Variants in KIF9 observed in about 807,000 individuals in gnomAD.
KIF9 encodes the protein kinesin-like protein KIF9.
A neutral mutation model predicts 94.8 loss-of-function variants in KIF9; 68 were observed. The observed-to-expected ratio is 0.72, with a 90% CI of 0.59 to 0.88. KIF9 has a LOEUF of 0.88. Among genes scored for constraint, KIF9 ranks in the 40% least tolerant of loss-of-function variants. The pLI is 0.00. For synonymous variants in KIF9, 343 were observed against 362.1 expected (o/e 0.95, Z 0.60); for missense variants, 882 against 982.5 (o/e 0.90, Z 1.37).
At chr3:47,269,181 C>T (rs1701479213) in intron 5 of KIF9, among the ~76,000 whole-genome samples, 3 of 152,346 alleles carry the variant, frequency 2.0e-5, no homozygotes, top group Admixed American at 6.5e-5. Context: ...ATAGCCATTG[C>T]ACATGTGCCC....
chr3:47,266,117 T>C (rs1701275975), intron 7 of KIF9: 3 of 440,096 alleles, frequency 6.8e-6, no homozygotes, highest in Non-Finnish European at 1.2e-5. Context: ...CGAATGTGAA[T>C]GCTTACATGA....
Position 47,265,731 on chromosome 3 carries a change from T to C in KIF9, c.915A>G (p.Leu305=). 1 of 1,614,022 alleles carries C rather than the reference T, an allele frequency of 6.2e-7. No individual in the cohort carries two copies. The highest frequency in any genetic ancestry group is 8.5e-7 in the Non-Finnish European group (1 of 1,179,916). Residue 305 remains leucine, a splice_region_variant and synonymous_variant, in exon 8 of 21, where the codon TTA becomes TTG. Transcript: ENST00000684063. ...TGGGCAGCAACTGTACCCCCTCACC[T>C]AACGAGTCCTTCAGAGCGTGGGTGA... ...CKLTHALKDS[L]GGNCNMVLVT...
At chr3:47,274,031 C>T (rs1701810665) in intron 3 of KIF9, among the ~76,000 whole-genome samples, 1 of 152,202 alleles carries the variant, frequency 6.6e-6, no homozygotes, top group Non-Finnish European at 1.5e-5. Context: ...TTCTCTAGCA[C>T]AGCTATGAAC....
At position 47,264,328 on chromosome 3, in the gene KIF9, G is replaced by A. The variant is rs765483235; in HGVS notation, c.939C>T (p.Leu313=). 20 of 1,613,610 alleles carry A rather than the reference G, an allele frequency of 1.2e-5. No individual in the cohort carries two copies. The highest frequency in any genetic ancestry group is 6.7e-5 in the East Asian group (3 of 44,896). ...CAGCTTCTCCATAGATGTTTGTCAC[G>A]AGGACCATATTGCAGTTTCCCCCTG... The part of the protein sequence containing the change: ...DSLGGNCNMV[L]VTNIYGEAAQ... Residue 313 remains leucine, a synonymous_variant, in exon 9 of 21, where the codon CTC becomes CTT. Coordinates refer to ENST00000684063, the MANE Select transcript of KIF9 (RefSeq NM_182902.4).
chr3:47,267,110 A>C, intron 6 of KIF9, 42 bp from the exon 7 acceptor site: 1 of 1,605,202 alleles, frequency 6.2e-7, no homozygotes, highest in Non-Finnish European at 8.5e-7. Flanking sequence ...CACAGGGAGA[A>C]GTTTCTGACT....
At chr3:47,244,548 G>A in intron 15 of KIF9, 1 of 507,200 alleles carries the variant, frequency 2.0e-6, no homozygotes, top group East Asian at 3.3e-5. Flanking sequence ...TTCTTCATCA[G>A]TGTAATGAAG....
chr3:47,282,793 A>T lies in KIF9; in HGVS notation c.-304T>A, dbSNP rs974904395. 13 of 1,432,890 alleles carry T rather than the reference A, an allele frequency of 9.1e-6. No homozygotes were observed. The African/African-American group carries it at 1.7e-4, about 19-fold the overall frequency. 88.8% of individuals were successfully genotyped at this position (1,432,890 alleles called of 1,614,324 possible). The stretch of plus-strand genomic sequence containing the variant: ...AGGGAACGAAGGCCGCACATGAACC[A>T]GGAAGCGGAGTGGCGGGGCTTCCGG... On this transcript the variant is annotated 5_prime_UTR_variant, in exon 1 of 21. Transcript: ENST00000684063.
At position 47,282,299 on chromosome 3, in the gene KIF9, C is replaced by G. The variant is rs553988847; in HGVS notation, c.-6+196G>C. The G allele has an allele frequency of 3.0e-5, 30 of 985,800 alleles. No homozygotes were observed. The Admixed American group carries it at 9.8e-4, about 32-fold the overall frequency. 61.1% of individuals were successfully genotyped at this position (985,800 alleles called of 1,614,324 possible). ...TTTGTGGGACCAATGAACATTAGCT[C>G]CGAAGACCGTAAGCCGCGGTCAGGT... On this transcript the variant is annotated intron_variant, in intron 1 of 20. Coordinates refer to ENST00000684063, the MANE Select transcript of KIF9 (RefSeq NM_182902.4).
chr3:47,262,890 T>C (rs1340093245), intron 9 of KIF9, among the ~76,000 whole-genome samples: 1 of 152,108 alleles, frequency 6.6e-6, no homozygotes, highest in Admixed American at 6.6e-5. Context: ...CTAATCTGTC[T>C]TTTGTGGGGT....
At chr3:47,254,854 G>A (rs1177854677) in intron 10 of KIF9, among the ~76,000 whole-genome samples, 1 of 152,114 alleles carries the variant, frequency 6.6e-6, no homozygotes, top group Non-Finnish European at 1.5e-5. Context: ...AGAAAAAAAA[G>A]GGCATCTTCA....
rs759199941 is a variant in KIF9, at chr3:47,264,314, T to C, written c.953A>G (p.Tyr318Cys). 2 of 1,613,654 alleles carry C rather than the reference T, an allele frequency of 1.2e-6. No homozygotes were observed. The highest frequency in any genetic ancestry group is 1.7e-6 in the Non-Finnish European group (2 of 1,179,618). The change falls in exon 9 of 21, where the codon TAT becomes TGT. Residue 318 changes from tyrosine (Y) to cysteine (C), a missense_variant. Tyr to Cys is a radical substitution (Grantham distance 194). Transcript: ENST00000684063. ...TTCTTCTAACTGGGCAGCTTCTCCA[T>C]AGATGTTTGTCACGAGGACCATATT... is the stretch of plus-strand genomic sequence containing the variant. ...NCNMVLVTNI[Y>C]GEAAQLEETL...
rs1291947973 is a variant in KIF9 at position 47,273,556 on chromosome 3, T to C, written c.362A>G (p.Gln121Arg). The change falls in exon 4 of 21, where the codon CAG becomes CGG. Residue 121 changes from glutamine to arginine, a missense_variant. Physicochemically the swap from Gln to Arg is conservative, Grantham distance 43. Transcript: ENST00000684063. ...KHRGILPRALQQVFRMIEERP... is the reference protein window; with the variant it reads ...KHRGILPRALRQVFRMIEERP... ...ACCCTTGGGCCCACTCTCTACCTGC[T>C]GCAGGGCACGAGGGAGGATCCCCCG... 2.5e-6 allele frequency: 4 copies of C among 1,600,988 alleles called. No individual in the cohort carries two copies. Among genetic ancestry groups the C allele is most frequent in the Admixed American group, 1.7e-5 (1 of 59,162 alleles).
At chr3:47,279,160 CAAAA>C (rs55779664) in intron 1 of KIF9, among the ~76,000 whole-genome samples, 2 of 54,904 alleles carry the variant, frequency 3.6e-5, no homozygotes, top group Admixed American at 2.1e-4. Context: ...GACCATATCT[CAAAA>C]AAAAAAAAAA....
At chr3:47,250,054 AAAAAAAAATTGT>A (rs1284576009) in intron 10 of KIF9, among the ~76,000 whole-genome samples, 1 of 152,116 alleles carries the variant, frequency 6.6e-6, no homozygotes, top group African/African-American at 2.4e-5. Context: ...GTCTCAAAAA[AAAAAAAAATTGT>A]AATACCTTCT....
At chr3:47,245,013 G>A (rs1425756957) in intron 14 of KIF9, 89 bp from the exon 15 acceptor site, 1 of 1,534,102 alleles carries the variant, frequency 6.5e-7, no homozygotes, top group Admixed American at 1.9e-5. Flanking sequence ...CAAGGCTCAG[G>A]GTGGACATGT....
At chr3:47,274,721 T>C (rs148495428) in intron 3 of KIF9, among the ~76,000 whole-genome samples, 1 of 152,334 alleles carries the variant, frequency 6.6e-6, no homozygotes, top group African/African-American at 2.4e-5. Context: ...AAGGTCACAA[T>C]CAGAGCATCA....
chr3:47,246,833 G>C (rs1016381766), intron 12 of KIF9, among the ~76,000 whole-genome samples: 33 of 152,172 alleles, frequency 2.2e-4, no homozygotes, highest in Admixed American at 2.2e-3. Flanking sequence ...GTAACAGCCA[G>C]GGGGGTCTGC....
intron 18 of KIF9, 66 bp from the exon 19 acceptor site, chr3:47,236,215 A>AT (rs1438856210): frequency 3.2e-6 from 4 of 1,252,030 alleles, no homozygotes; most frequent in African/African-American, 1.5e-5. Flanking sequence ...CATCTGTCTT[A>AT]TATCTGTTGC....
intron 16 of KIF9, 72 bp downstream of exon 16, chr3:47,242,979 G>T (rs1021423719): frequency 8.3e-7 from 1 of 1,203,486 alleles, no homozygotes; most frequent in Non-Finnish European, 1.2e-6. Context: ...TTATCTGCAG[G>T]TACTCTTCAC....
Sources: gnomAD v4.1 joint callset for allele counts (sites outside exome capture counted in the v4.1 genomes callset) on GRCh38, gnomAD v4.1.1 for gene constraint, MANE v1.5 for transcripts, NCBI Gene and HGNC (gene_info 2026-07-23, HGNC 2026-07-21) for gene names.